Variants in SHROOM3 observed in about 807,000 individuals in gnomAD.
The protein encoded by SHROOM3 is shroom family member 3.
SHROOM3 carries 47 observed loss-of-function variants against 138.6 expected under a neutral mutation model. The observed-to-expected ratio is 0.34, with a 90% confidence interval of 0.27 to 0.43. SHROOM3 has a LOEUF of 0.43. Ranked by LOEUF, SHROOM3 falls within the 20% of genes least tolerant of loss-of-function variation. The pLI, the probability that SHROOM3 is intolerant of heterozygous loss-of-function variation, is 1.00. For missense variants in SHROOM3, 2,491 were observed against 2,596.5 expected (o/e 0.96, Z 0.88); for synonymous variants, 1,062 against 1,063.3 (o/e 1.00, Z 0.02).
chr4:76,574,558 C>T (rs893489519), intron 2 of SHROOM3, among the ~76,000 whole-genome samples: 18 of 152,036 alleles, frequency 1.2e-4, no homozygotes, highest in African/African-American at 3.9e-4. Flanking sequence ...TTAGACAGAC[C>T]GGATACTCCC....
chr4:76,600,644 T>C (rs1186429888), intron 2 of SHROOM3, among the ~76,000 whole-genome samples: 1 of 152,224 alleles, frequency 6.6e-6, no homozygotes, highest in African/African-American at 2.4e-5. Flanking sequence ...TGACTGTAAC[T>C]TTGGTCATTG....
At chr4:76,706,494 A>G (rs192422060) in intron 2 of SHROOM3, among the ~76,000 whole-genome samples, 10 of 152,334 alleles carry the variant, frequency 6.6e-5, no homozygotes, top group Admixed American at 3.3e-4. Flanking sequence ...GGATCATCAC[A>G]AAGGTCTTCA....
rs758739144 is a variant in SHROOM3, at chr4:76,555,612, G to A, written c.172G>A (p.Glu58Lys). ...TCGCATCTCTCCCTCCAAGCAGGTC[G>A]AAGAAGGGGGCAAAGCAGACACCCT... ...HGEPLIISKV[E>K]EGGKADTLSS... Residue 58 changes from glutamate to lysine, a missense_variant, in exon 2 of 11, where the codon GAA becomes AAA. Glu to Lys is a moderately conservative substitution (Grantham distance 56). This residue lies in a region of SHROOM3 where 284 missense variants were observed against 322.8 expected (regional missense o/e 0.88). Transcript: ENST00000296043. The A allele has an allele frequency of 3.5e-5, 56 of 1,613,368 alleles. No individual in the cohort carries two copies. Among genetic ancestry groups the A allele is most frequent in the East Asian group, 2.7e-4 (12 of 44,878 alleles).
rs191662582 is a variant in SHROOM3, at chr4:76,631,821, A to G, written c.323+76058A>G. Among the ~76,000 whole-genome samples, 902 of 152,326 alleles carry G rather than the reference A, an allele frequency of 5.9e-3. 6 individuals carry two copies. Among genetic ancestry groups the G allele is most frequent in the African/African-American group, 0.021 (859 of 41,576 alleles). ...TCCTTTTTTTGAGGAAATAGAGTCAATGAGGGAAAAAGTCGAAGCAGAGAG... is the reference window on the plus strand; with the variant it reads ...TCCTTTTTTTGAGGAAATAGAGTCAGTGAGGGAAAAAGTCGAAGCAGAGAG... On this transcript the variant is annotated intron_variant, in intron 2 of 10. Coordinates refer to ENST00000296043, the MANE Select transcript of SHROOM3 (RefSeq NM_020859.4).
At chr4:76,585,919 AG>A (rs1734141716) in intron 2 of SHROOM3, among the ~76,000 whole-genome samples, 1 of 152,222 alleles carries the variant, frequency 6.6e-6, no homozygotes, top group African/African-American at 2.4e-5. Context: ...GGGCAGATAA[AG>A]CTGCCGACGC....
At chr4:76,653,738 G>A (rs114517683) in intron 2 of SHROOM3, among the ~76,000 whole-genome samples, 14 of 151,980 alleles carry the variant, frequency 9.2e-5, no homozygotes, top group Non-Finnish European at 2.1e-4. Context: ...GCTAATTTTT[G>A]TATTTTCAGT....
At chr4:76,459,010 G>T (rs562323241) in intron 1 of SHROOM3, among the ~76,000 whole-genome samples, 2 of 152,316 alleles carry the variant, frequency 1.3e-5, no homozygotes, top group African/African-American at 4.8e-5. Context: ...AGCAGCAGGG[G>T]GGCGGGGATT....
chr4:76,605,114 G>A (rs1379635075), intron 2 of SHROOM3, among the ~76,000 whole-genome samples: 1 of 152,156 alleles, frequency 6.6e-6, no homozygotes, highest in African/African-American at 2.4e-5. Flanking sequence ...ATGTCCCCAT[G>A]GCGGTAAAAG....
At chr4:76,436,243 G>A (rs370265144) in intron 1 of SHROOM3, 23 bp downstream of exon 1, 7 of 1,613,102 alleles carry the variant, frequency 4.3e-6, no homozygotes, top group Non-Finnish European at 4.2e-6. Context: ...TTCCAATATT[G>A]CCTTTATTCA....
At chr4:76,574,724 A>G (rs961361318) in intron 2 of SHROOM3, among the ~76,000 whole-genome samples, 2 of 152,340 alleles carry the variant, frequency 1.3e-5, no homozygotes, top group Middle Eastern at 3.4e-3. Flanking sequence ...CCAGTCACAA[A>G]AAGACAAATA....
rs2110143398 is a variant in SHROOM3 at position 76,754,331 on chromosome 4, G to T, written c.3848G>T (p.Arg1283Ile). The T allele has an allele frequency of 6.2e-7, 1 of 1,614,128 alleles. No individual in the cohort carries two copies. The highest frequency in any genetic ancestry group is 1.3e-5 in the African/African-American group (1 of 75,024). ...TCCAGGTCACTCAGTTGTTCAGAAAGAGGCCAAGAAGAGATGCTGCCGCTC... is the reference window on the plus strand; with the variant it reads ...TCCAGGTCACTCAGTTGTTCAGAAATAGGCCAAGAAGAGATGCTGCCGCTC... ...PGSRSLSCSE[R>I]GQEEMLPLFH... The change falls in exon 7 of 11, where the codon AGA becomes ATA. Residue 1283 changes from arginine to isoleucine, a missense_variant. Physicochemically the swap from Arg to Ile is moderately conservative, Grantham distance 97. Transcript: ENST00000296043.
Position 76,754,677 on chromosome 4 carries a change from C to T in SHROOM3, c.4194C>T (p.Pro1398=), listed in dbSNP as rs373523580. Reference sequence around the variant, plus strand: ...ATGGTCACACCCTGACCCAGCCTCCCGGTCCAAGAGGCTGTGAGGGCGATG... The same window carrying T: ...ATGGTCACACCCTGACCCAGCCTCCTGGTCCAAGAGGCTGTGAGGGCGATG... ...RSNGHTLTQP[P]GPRGCEGDGP... is the part of the protein sequence containing the mutation. Residue 1398 remains proline, a synonymous_variant, in exon 7 of 11, where the codon CCC becomes CCT. Coordinates refer to ENST00000296043, the MANE Select transcript of SHROOM3 (RefSeq NM_020859.4). 5.1e-5 allele frequency: 83 copies of T among 1,614,060 alleles called. No individual in the cohort carries two copies. The highest frequency in any genetic ancestry group is 6.5e-5 in the Non-Finnish European group (77 of 1,180,026).
chr4:76,757,367 T>C (rs560617691), intron 8 of SHROOM3, among the ~76,000 whole-genome samples: 1 of 152,294 alleles, frequency 6.6e-6, no homozygotes, highest in East Asian at 1.9e-4. Flanking sequence ...CACAGCCCCA[T>C]GACTGTGCCT....
At chr4:76,707,545 A>G (rs187486399) in intron 2 of SHROOM3, among the ~76,000 whole-genome samples, 2 of 152,274 alleles carry the variant, frequency 1.3e-5, no homozygotes, top group African/African-American at 4.8e-5. Flanking sequence ...ATCAAAGCAC[A>G]TTGCAGACTT....
At position 76,709,328 on chromosome 4, in the gene SHROOM3, G is replaced by T. The variant is rs1720157682; in HGVS notation, c.324-828G>T. 2.6e-5 allele frequency among the ~76,000 whole-genome samples: 4 copies of T among 152,288 alleles called. No individual in the cohort carries two copies. In the South Asian group the frequency reaches 8.3e-4, roughly 32 times the overall value. ...AGACAGAAATTGAAAATAAACCACT[G>T]GTTCCCCACAAACAGAGATGATGAC... On this transcript the variant is annotated intron_variant, in intron 2 of 10. Transcript: ENST00000296043.
intron 2 of SHROOM3, among the ~76,000 whole-genome samples, chr4:76,633,407 G>A (rs1209527335): frequency 6.6e-6 from 1 of 150,688 alleles, no homozygotes; most frequent in African/African-American, 2.4e-5. Context: ...GGTGGCTCAC[G>A]CCTGTAATCC....
intron 3 of SHROOM3, among the ~76,000 whole-genome samples, chr4:76,724,223 A>G (rs1720633967): frequency 6.6e-6 from 1 of 152,236 alleles, no homozygotes; most frequent in Non-Finnish European, 1.5e-5. Context: ...ACCCACACAC[A>G]AAACTTAGTT....
chr4:76,506,405 A>G (rs1357572275), intron 1 of SHROOM3, among the ~76,000 whole-genome samples: 4 of 152,164 alleles, frequency 2.6e-5, no homozygotes, highest in African/African-American at 9.7e-5. Context: ...AAAATAAAGT[A>G]TATGGAAGGA....
At chr4:76,622,431 G>A (rs1735028403) in intron 2 of SHROOM3, among the ~76,000 whole-genome samples, 1 of 152,006 alleles carries the variant, frequency 6.6e-6, no homozygotes, top group African/African-American at 2.4e-5. Context: ...AAGGAAGCCA[G>A]GCACTTGTAC....
Sources: gnomAD v4.1 joint callset for allele counts (sites outside exome capture counted in the v4.1 genomes callset) on GRCh38, gnomAD v4.1.1 for gene constraint, gnomAD v4.1.1 regional missense constraint, MANE v1.5 for transcripts, NCBI Gene and HGNC (gene_info 2026-07-23, HGNC 2026-07-21) for gene names.